The following NBAS variants were observed in gnomAD, a reference collection of about 807,000 sequenced individuals.
NBAS encodes NAG/BC035112 fusion.
A neutral mutation model predicts 302.5 loss-of-function variants in NBAS; 219 were observed. The ratio of observed to expected loss-of-function variants is 0.72; its 90% CI spans 0.65 to 0.81. The LOEUF is 0.81. NBAS is among the 30% of genes least tolerant of loss of function. NBAS has a pLI of 0.00. For synonymous variants in NBAS, 1,118 were observed against 1,021.6 expected (o/e 1.09, Z -1.80); for missense variants, 2,932 against 2,841.6 (o/e 1.03, Z -0.72).
chr2:15,552,529 T>C (rs1385343560), intron 5 of NBAS, among the ~76,000 whole-genome samples: 3 of 152,200 alleles, frequency 2.0e-5, no homozygotes, highest in Non-Finnish European at 2.9e-5. Flanking sequence ...CTCTTCCATA[T>C]GATTTTCCTA....
chr2:15,199,085 C>T (rs1665754129), intron 48 of NBAS, among the ~76,000 whole-genome samples: 3 of 141,710 alleles, frequency 2.1e-5, no homozygotes, highest in African/African-American at 8.1e-5. Context: ...TGAGATTGTG[C>T]CACTGCACTC....
the NBAS span, among the ~76,000 whole-genome samples, chr2:14,799,096 G>A: frequency 4.9e-4 from 75 of 151,656 alleles, 1 homozygote; most frequent in Non-Finnish European, 9.1e-4. Context: ...TGTTTATTCT[G>A]AATACTATTT....
the NBAS span, among the ~76,000 whole-genome samples, chr2:14,824,073 G>A: frequency 9.0e-3 from 1,365 of 152,326 alleles, 8 homozygotes; most frequent in Non-Finnish European, 0.013. Context: ...TGCGCCAGAC[G>A]TGTTGCAAGC....
intron 12 of NBAS, among the ~76,000 whole-genome samples, chr2:15,486,631 TC>T (rs534656765): frequency 2.0e-5 from 3 of 151,956 alleles, no homozygotes; most frequent in African/African-American, 4.8e-5. Context: ...ATTTCTGAGG[TC>T]CCCCCCTTTC....
the NBAS span, among the ~76,000 whole-genome samples, chr2:14,808,852 A>G: frequency 6.6e-6 from 1 of 152,220 alleles, no homozygotes; most frequent in Admixed American, 6.5e-5. Context: ...AATGCTGTCA[A>G]TGATATGGAC....
intron 44 of NBAS, among the ~76,000 whole-genome samples, chr2:15,269,422 C>T (rs1282757982): frequency 6.6e-6 from 1 of 152,088 alleles, no homozygotes; most frequent in African/African-American, 2.4e-5. Flanking sequence ...TTTTTGCATG[C>T]CGGGCTACTT....
the NBAS span, among the ~76,000 whole-genome samples, chr2:15,002,500 G>T: frequency 1.3e-5 from 2 of 152,182 alleles, no homozygotes; most frequent in Admixed American, 1.3e-4. Flanking sequence ...GGGACTGCAG[G>T]TGGAGCTGCC....
At chr2:14,947,306 T>C in the NBAS span, among the ~76,000 whole-genome samples, 1 of 151,632 alleles carries the variant, frequency 6.6e-6, no homozygotes, top group African/African-American at 2.4e-5. Context: ...AAGACCCAAA[T>C]ACATAAAATT....
the NBAS span, among the ~76,000 whole-genome samples, chr2:14,968,320 T>C: frequency 1.3e-5 from 2 of 152,102 alleles, no homozygotes; most frequent in African/African-American, 4.8e-5. Flanking sequence ...TAAATAGTCA[T>C]GGTCTCCAAA....
At chr2:15,544,363 G>C (rs1664001956) in intron 6 of NBAS, among the ~76,000 whole-genome samples, 1 of 152,030 alleles carries the variant, frequency 6.6e-6, no homozygotes, top group Non-Finnish European at 1.5e-5. Context: ...ATGGTGAAGG[G>C]AGGGAGGAAG....
At chr2:15,518,139 A>G (rs1276202767) in intron 9 of NBAS, among the ~76,000 whole-genome samples, 1 of 152,066 alleles carries the variant, frequency 6.6e-6, no homozygotes, top group African/African-American at 2.4e-5. Context: ...GAAAAAAAAA[A>G]AAAAAAACAG....
chr2:15,550,396 A>T (rs559099735), intron 6 of NBAS, among the ~76,000 whole-genome samples: 131 of 152,342 alleles, frequency 8.6e-4, no homozygotes, highest in African/African-American at 3.1e-3. Flanking sequence ...ACACAGTAAG[A>T]ACACTATAAA....
chr2:15,147,586 C>A, the NBAS span, among the ~76,000 whole-genome samples: 1 of 151,918 alleles, frequency 6.6e-6, no homozygotes, highest in African/African-American at 2.4e-5. Context: ...GAGCGAAACT[C>A]CGTCTCAAAA....
chr2:15,007,766 T>G, the NBAS span, among the ~76,000 whole-genome samples: 1 of 152,158 alleles, frequency 6.6e-6, no homozygotes, highest in Non-Finnish European at 1.5e-5. Context: ...CTAAAGACCA[T>G]TAAGTAACAA....
At chr2:15,363,299 T>C (rs1674030952) in intron 32 of NBAS, among the ~76,000 whole-genome samples, 1 of 152,224 alleles carries the variant, frequency 6.6e-6, no homozygotes, top group Non-Finnish European at 1.5e-5. Flanking sequence ...TCTGCTCCTC[T>C]GGTTGAGTCA....
intron 48 of NBAS, among the ~76,000 whole-genome samples, chr2:15,207,462 G>A (rs1666200143): frequency 6.6e-6 from 1 of 152,160 alleles, no homozygotes; most frequent in African/African-American, 2.4e-5. Flanking sequence ...TAAGACTTTG[G>A]GGGACTACTG....
the NBAS span, among the ~76,000 whole-genome samples, chr2:14,840,759 C>A: frequency 1.3e-5 from 2 of 151,964 alleles, no homozygotes; most frequent in Admixed American, 6.6e-5. Context: ...ACCACAAGAT[C>A]CATCTTACAA....
At chr2:15,445,398 C>G (rs1447711100) in intron 21 of NBAS, among the ~76,000 whole-genome samples, 1 of 149,152 alleles carries the variant, frequency 6.7e-6, no homozygotes, top group Non-Finnish European at 1.5e-5. Context: ...AGTAAACTAT[C>G]GCAAGAACAA....
intron 48 of NBAS, among the ~76,000 whole-genome samples, chr2:15,198,057 C>A (rs550747515): frequency 1.0e-3 from 157 of 152,234 alleles, no homozygotes; most frequent in African/African-American, 3.5e-3. Flanking sequence ...TGAACACACA[C>A]AAAGTAGACA....
Sources: allele counts gnomAD v4.1 joint callset (sites outside exome capture counted in the v4.1 genomes callset), GRCh38; gene constraint gnomAD v4.1.1; transcripts MANE v1.5; gene names NCBI Gene and HGNC (gene_info 2026-07-23, HGNC 2026-07-21).